TRPS1: variants seen among roughly 807,000 people sequenced by gnomAD.
TRPS1 encodes the protein transcriptional repressor GATA binding 1, also known as zinc finger transcription factor Trps1.
A neutral mutation model predicts 101.2 loss-of-function variants in TRPS1; 6 were observed. The ratio of observed to expected loss-of-function variants is 0.06; its 90% CI spans 0.03 to 0.12. The LOEUF is 0.12. Ranked by LOEUF, TRPS1 falls within the 10% of genes least tolerant of loss-of-function variation. The probability of loss-of-function intolerance (pLI) is 1.00; values close to 1 mark genes in which losing one functional copy is unlikely to be tolerated. For synonymous variants in TRPS1, 578 were observed against 589.8 expected (o/e 0.98, Z 0.29); for missense variants, 1,363 against 1,567.0 (o/e 0.87, Z 2.20).
At chr8:115,652,630 C>G (rs889019949) in intron 1 of TRPS1, among the ~76,000 whole-genome samples, 1 of 152,138 alleles carries the variant, frequency 6.6e-6, no homozygotes, top group African/African-American at 2.4e-5. Flanking sequence ...TGCTTAAAAC[C>G]TAATCTATCT....
intron 5 of TRPS1, among the ~76,000 whole-genome samples, chr8:115,427,191 G>T (rs1813207923): frequency 6.6e-6 from 1 of 152,074 alleles, no homozygotes. Flanking sequence ...GAGAGAGGAT[G>T]GTTTGAGCCC....
Position 115,418,228 on chromosome 8 carries a change from G to T in TRPS1, c.2823+102C>A. 3 of 1,593,562 alleles carry T rather than the reference G, an allele frequency of 1.9e-6. No homozygotes were observed. Among genetic ancestry groups the T allele is most frequent in the South Asian group, 1.1e-5 (1 of 90,400 alleles). ...AGTGACTGTATTAAAACAACCCTGC[G>T]GGGGCAGGCACTGCAAGCCAGGGAA... On this transcript the variant is annotated intron_variant, in intron 6 of 6. Transcript: ENST00000395715. This position sits in a 1 kb window ranked among gnomAD's most constrained non-coding sequence, Gnocchi z 4.3.
chr8:115,543,605 T>C lies in TRPS1; in HGVS notation c.2700+43396A>G, dbSNP rs571445774. 2.0e-4 allele frequency among the ~76,000 whole-genome samples: 19 copies of C among 94,724 alleles called. No individual in the cohort carries two copies. The East Asian group carries it at 8.3e-3, about 41-fold the overall frequency. 62.1% of individuals were successfully genotyped at this position (94,724 alleles called of 152,430 possible). On this transcript the variant is annotated intron_variant, in intron 5 of 6. Transcript: ENST00000395715. Reference sequence around the variant, plus strand: ...GCTAACTCTTTAGCAAATTGAAAAATGATGTCCTCATTTTTTCTTCTTCAT... The same window carrying C: ...GCTAACTCTTTAGCAAATTGAAAAACGATGTCCTCATTTTTTCTTCTTCAT...
chr8:115,527,227 A>G (rs1413517609), intron 5 of TRPS1, among the ~76,000 whole-genome samples: 2 of 151,966 alleles, frequency 1.3e-5, no homozygotes, highest in Non-Finnish European at 2.9e-5. Flanking sequence ...AATTTTTAGT[A>G]GTCACTTAAT....
chr8:115,413,167 G>A lies in TRPS1; in HGVS notation c.*856C>T, dbSNP rs1812828770. On this transcript the variant is annotated 3_prime_UTR_variant, in exon 7 of 7. Coordinates refer to ENST00000395715, the MANE Select transcript of TRPS1 (RefSeq NM_014112.5). ...TGCCAAGTGAGATTAGTAACCAACA[G>A]GAGGCTTAGAAAAGCAAATCCATAC... 1 of 152,058 alleles carries A rather than the reference G, an allele frequency of 6.6e-6. No homozygotes were observed. The highest frequency in any genetic ancestry group is 6.6e-5 in the Admixed American group (1 of 15,242). 9.4% of individuals were successfully genotyped at this position (152,058 alleles called of 1,614,324 possible). A position where few individuals can be genotyped will look rare whatever the true frequency, so the allele number is the denominator to read the frequency against.
chr8:115,415,663 A>G (rs1812901348), intron 6 of TRPS1, among the ~76,000 whole-genome samples: 1 of 152,124 alleles, frequency 6.6e-6, no homozygotes, highest in African/African-American at 2.4e-5. Context: ...CCTTATGAGA[A>G]GAGGAAGAGA....
intron 5 of TRPS1, among the ~76,000 whole-genome samples, chr8:115,419,298 C>T (rs1311287681): frequency 6.6e-6 from 1 of 151,454 alleles, no homozygotes; most frequent in Non-Finnish European, 1.5e-5. Flanking sequence ...TTCCATTAAA[C>T]TTCTCACTTA....
intron 5 of TRPS1, 43 bp downstream of exon 5, chr8:115,586,958 C>T: frequency 6.2e-7 from 1 of 1,611,610 alleles, no homozygotes; most frequent in East Asian, 2.2e-5. Context: ...CCTCCTTTTG[C>T]CCTTCAAAAC....
intron 5 of TRPS1, among the ~76,000 whole-genome samples, chr8:115,583,330 A>G (rs993868104): frequency 1.3e-5 from 2 of 152,098 alleles, no homozygotes; most frequent in African/African-American, 4.8e-5. Flanking sequence ...ATACTATACT[A>G]CTTAGTTTAA....
At chr8:115,485,894 C>T (rs887973104) in intron 5 of TRPS1, among the ~76,000 whole-genome samples, 7 of 152,156 alleles carry the variant, frequency 4.6e-5, no homozygotes, top group African/African-American at 1.7e-4. Context: ...AGAAAAGAGG[C>T]TTCTGATGAG....
In TRPS1 at chr8:115,472,558, C is replaced by T. The variant is rs762252880; in HGVS notation, c.2701-54106G>A. Among the ~76,000 whole-genome samples the T allele has an allele frequency of 5.6e-4, 85 of 152,308 alleles. 1 individual carries two copies. Among genetic ancestry groups the T allele is most frequent in the Non-Finnish European group, 5.6e-4 (38 of 68,022 alleles). ...AAAATTTGCCTCCTTGTTACTTATG[C>T]AAATTTCTGCAGGAGGCTTGAATTT... is the stretch of plus-strand genomic sequence containing the variant. On this transcript the variant is annotated intron_variant, in intron 5 of 6. Coordinates refer to ENST00000395715, the MANE Select transcript of TRPS1 (RefSeq NM_014112.5).
rs548709602 is a variant in TRPS1, at chr8:115,452,423, A to C, written c.2701-33971T>G. On this transcript the variant is annotated intron_variant, in intron 5 of 6. Transcript: ENST00000395715. ...TTTTACTGGTATCTTTTCACCAAAC[A>C]AAAAAAAATATATTATGTATTATAT... is the stretch of plus-strand genomic sequence containing the variant. Among the ~76,000 whole-genome samples, 6 of 151,458 alleles carry C rather than the reference A, an allele frequency of 4.0e-5. No homozygotes were observed. In the East Asian group the frequency reaches 1.2e-3, roughly 30 times the overall value.
intron 4 of TRPS1, among the ~76,000 whole-genome samples, chr8:115,597,363 C>T (rs188438428): frequency 2.0e-5 from 3 of 151,854 alleles, no homozygotes; most frequent in African/African-American, 7.2e-5. Flanking sequence ...TATGATTGGC[C>T]CTGTATAACT....
At chr8:115,477,300 G>A (rs1429920302) in intron 5 of TRPS1, among the ~76,000 whole-genome samples, 2 of 152,112 alleles carry the variant, frequency 1.3e-5, no homozygotes, top group Admixed American at 1.3e-4. Context: ...TATTTTTTCA[G>A]CATAAAACAA....
chr8:115,588,421 T>C (rs1817614946), intron 4 of TRPS1, among the ~76,000 whole-genome samples: 1 of 152,192 alleles, frequency 6.6e-6, no homozygotes, highest in Non-Finnish European at 1.5e-5. Context: ...AACACCATAA[T>C]AGAGGCTTTA....
At chr8:115,431,187 A>T (rs1471604281) in intron 5 of TRPS1, among the ~76,000 whole-genome samples, 1 of 152,002 alleles carries the variant, frequency 6.6e-6, no homozygotes, top group Non-Finnish European at 1.5e-5. Flanking sequence ...AGATCATTAA[A>T]TTTTTTCTTT....
At chr8:115,520,543 T>C (rs1815832604) in intron 5 of TRPS1, among the ~76,000 whole-genome samples, 2 of 151,784 alleles carry the variant, frequency 1.3e-5, no homozygotes, top group South Asian at 4.1e-4. Flanking sequence ...ATCTATTATT[T>C]TTATCTGTTA....
chr8:115,602,766 A>G (rs1277676955), intron 4 of TRPS1, among the ~76,000 whole-genome samples: 1 of 152,204 alleles, frequency 6.6e-6, no homozygotes, highest in Non-Finnish European at 1.5e-5. Context: ...AAAGCTTTCT[A>G]CTTTGATGCT....
intron 1 of TRPS1, among the ~76,000 whole-genome samples, chr8:115,647,989 T>G (rs1811458318): frequency 6.6e-6 from 1 of 152,104 alleles, no homozygotes. Context: ...ATCTCATGCC[T>G]CTTACAGTTT....
Sources: allele counts gnomAD v4.1 joint callset (sites outside exome capture counted in the v4.1 genomes callset), GRCh38; gene constraint gnomAD v4.1.1; non-coding constraint Gnocchi (gnomAD v3.1); transcripts MANE v1.5; gene names NCBI Gene and HGNC (gene_info 2026-07-23, HGNC 2026-07-21).